Variants in STARD10 observed in about 807,000 individuals in gnomAD.
The protein encoded by STARD10 is START domain-containing protein 10.
Under a neutral mutation model 36.0 loss-of-function variants are expected in STARD10, and 24 were observed. The ratio of observed to expected loss-of-function variants is 0.67; its 90% CI spans 0.48 to 0.94. The LOEUF is 0.94. Ranked by LOEUF, STARD10 falls within the 40% of genes least tolerant of loss-of-function variation. The probability of loss-of-function intolerance (pLI) is 0.00; values close to 1 mark genes in which losing one functional copy is unlikely to be tolerated. For missense variants in STARD10, 335 were observed against 396.6 expected, an observed-to-expected ratio of 0.84 and a Z score of 1.32; for synonymous variants, 156 against 161.9, an observed-to-expected ratio of 0.96 and a Z score of 0.28.
rs770414085 is a variant in STARD10 at position 72,781,196 on chromosome 11, G to A, written c.-15C>T. Reference sequence around the variant, plus strand: ...AGCTTCTCCATGGGGAGTGTGGGGAGGCCCAGGGCCCTGGTCCTAGTCCGG... The same window carrying A: ...AGCTTCTCCATGGGGAGTGTGGGGAAGCCCAGGGCCCTGGTCCTAGTCCGG... On this transcript the variant is annotated 5_prime_UTR_variant, in exon 2 of 7. Transcript: ENST00000334805. This position sits in a 1 kb window ranked among gnomAD's most constrained non-coding sequence, Gnocchi z 4.7. 7 of 1,603,426 alleles carry A rather than the reference G, an allele frequency of 4.4e-6. No homozygotes were observed. The highest frequency in any genetic ancestry group is 4.2e-6 in the Non-Finnish European group (5 of 1,177,882).
At position 72,771,180 on chromosome 11, in the gene STARD10, T is replaced by C. The variant is rs547005374; in HGVS notation, c.207+9795A>G. Among the ~76,000 whole-genome samples, 222 of 152,282 alleles carry C rather than the reference T, an allele frequency of 1.5e-3. 1 individual carries two copies. The highest frequency in any genetic ancestry group is 5.1e-3 in the African/African-American group (212 of 41,536). On this transcript the variant is annotated intron_variant, in intron 2 of 6. Coordinates refer to ENST00000334805, the MANE Select transcript of STARD10 (RefSeq NM_006645.3). ...AAAGTCCATCCCTGAGACTATTCCC[T>C]CAGAACTAGGCTCTGTTCTGTGTAG...
At chr11:72,790,786 C>T (rs760500118) in intron 1 of STARD10, among the ~76,000 whole-genome samples, 1 of 152,222 alleles carries the variant, frequency 6.6e-6, no homozygotes, top group African/African-American at 2.4e-5. Context: ...TGTAAACACT[C>T]GAGACATTTC....
intron 2 of STARD10, among the ~76,000 whole-genome samples, chr11:72,778,864 G>T (rs911267921): frequency 2.0e-5 from 3 of 152,178 alleles, no homozygotes; most frequent in Non-Finnish European, 2.9e-5. Context: ...AGAAAAGGAG[G>T]GTAGGGTCCT....
At chr11:72,761,616 A>T (rs1224287054) in intron 2 of STARD10, among the ~76,000 whole-genome samples, 1 of 152,062 alleles carries the variant, frequency 6.6e-6, no homozygotes, top group Non-Finnish European at 1.5e-5. Flanking sequence ...GTAGTGGCAC[A>T]TAACTGTAAT....
At chr11:72,755,264 G>C in intron 6 of STARD10, 122 bp from the exon 7 acceptor site, 2 of 953,286 alleles carry the variant, frequency 2.1e-6, no homozygotes, top group Non-Finnish European at 3.0e-6. Context: ...TCACTCCTCA[G>C]CCCTACTTGC....
In STARD10 at chr11:72,761,917, C is replaced by CTTTTTT. The variant is rs1189000490; in HGVS notation, c.208-2542_208-2537dup. On this transcript the variant is annotated intron_variant, in intron 2 of 6. Transcript: ENST00000334805. ...TCTGTATTTCTTTTTCTTTTCTTTTCTTTTTTTTTTTTTTTTTTTTTTTTT... is the reference window on the plus strand; with the variant it reads ...TCTGTATTTCTTTTTCTTTTCTTTTCTTTTTTTTTTTTTTTTTTTTTTTTTTTTTTT... Among the ~76,000 whole-genome samples the CTTTTTT allele has an allele frequency of 6.0e-3, 224 of 37,456 alleles. 2 individuals carry two copies. Among genetic ancestry groups the CTTTTTT allele is most frequent in the Non-Finnish European group, 7.7e-3 (161 of 21,002 alleles). 24.6% of individuals were successfully genotyped at this position (37,456 alleles called of 152,430 possible).
intron 3 of STARD10, 48 bp downstream of exon 3, chr11:72,759,186 C>T: frequency 6.2e-7 from 1 of 1,604,282 alleles, no homozygotes; most frequent in Non-Finnish European, 8.5e-7. Flanking sequence ...GGTGGGAGGC[C>T]TGGATGGAGG....
chr11:72,784,260 G>C (rs531866813), intron 1 of STARD10, among the ~76,000 whole-genome samples: 3 of 152,326 alleles, frequency 2.0e-5, no homozygotes, highest in African/African-American at 7.2e-5. Context: ...AGGGGCTCTG[G>C]GAGAGGAGTC....
At chr11:72,787,385 C>T (rs1044965069) in intron 1 of STARD10, among the ~76,000 whole-genome samples, 5 of 152,212 alleles carry the variant, frequency 3.3e-5, no homozygotes, top group Admixed American at 6.5e-5. Flanking sequence ...CAATCCCTAC[C>T]GCCACCACCA....
chr11:72,767,869 G>T (rs565754535), intron 2 of STARD10, among the ~76,000 whole-genome samples: 11 of 152,250 alleles, frequency 7.2e-5, no homozygotes, highest in Admixed American at 7.2e-4. Context: ...TCCTCAGAGT[G>T]GTCCTGTAAG....
rs1859003031 is a variant in STARD10 at position 72,781,812 on chromosome 11, G to C, written c.-113-518C>G. ...GCCCCGCCCCGGGCCCCAGCCCCGC[G>C]CGCCCCTCCCGGCTAGGCTGGGGGC... is the stretch of plus-strand genomic sequence containing the variant. On this transcript the variant is annotated intron_variant, in intron 1 of 6. Coordinates refer to ENST00000334805, the MANE Select transcript of STARD10 (RefSeq NM_006645.3). The surrounding 1 kb of genome is among the most constrained non-coding windows in gnomAD (Gnocchi z 4.7). The C allele has an allele frequency of 7.0e-6, 1 of 143,202 alleles. No individual in the cohort carries two copies. Among genetic ancestry groups the C allele is most frequent in the Non-Finnish European group, 1.5e-5 (1 of 65,232 alleles). 8.9% of individuals were successfully genotyped at this position (143,202 alleles called of 1,614,324 possible).
At chr11:72,771,793 T>C (rs1224582703) in intron 2 of STARD10, among the ~76,000 whole-genome samples, 1 of 151,876 alleles carries the variant, frequency 6.6e-6, no homozygotes, top group East Asian at 1.9e-4. Flanking sequence ...CCTCTCCACT[T>C]CTATCCTGGG....
At chr11:72,759,089 G>A in intron 3 of STARD10, 145 bp downstream of exon 3, 1 of 909,850 alleles carries the variant, frequency 1.1e-6, no homozygotes, top group Non-Finnish European at 1.7e-6. Flanking sequence ...AGTGGACAGG[G>A]AGGGCAGCTC....
At chr11:72,774,965 G>A (rs555644849) in intron 2 of STARD10, among the ~76,000 whole-genome samples, 2 of 152,346 alleles carry the variant, frequency 1.3e-5, no homozygotes, top group South Asian at 2.1e-4. Flanking sequence ...GTTTAAAAGC[G>A]GGAGCCTGGG....
At chr11:72,759,728 T>TC (rs1447685432) in intron 2 of STARD10, among the ~76,000 whole-genome samples, 2 of 152,184 alleles carry the variant, frequency 1.3e-5, no homozygotes, top group Non-Finnish European at 2.9e-5. Flanking sequence ...GGGCAGAGGC[T>TC]CATGGTTGCT....
At chr11:72,755,868 A>G in intron 5 of STARD10, 115 bp from the exon 6 acceptor site, 1 of 972,764 alleles carries the variant, frequency 1.0e-6, no homozygotes, top group Non-Finnish European at 1.5e-6. Context: ...CCCCATGAGG[A>G]GGAGGTGTGT....
chr11:72,785,164 C>T (rs1324115371), intron 1 of STARD10, among the ~76,000 whole-genome samples: 2 of 152,146 alleles, frequency 1.3e-5, no homozygotes, highest in Admixed American at 6.5e-5. Flanking sequence ...CTCCCCTCAA[C>T]TCCCCACAGC....
At chr11:72,756,854 C>T (rs1858651442) in intron 5 of STARD10, among the ~76,000 whole-genome samples, 2 of 151,982 alleles carry the variant, frequency 1.3e-5, no homozygotes, top group Admixed American at 1.3e-4. Flanking sequence ...CAATAAGAAT[C>T]AGTGACGGGG....
At chr11:72,767,767 CCTCTGCCCTGCCATGT>C (rs1858811171) in intron 2 of STARD10, among the ~76,000 whole-genome samples, 1 of 152,220 alleles carries the variant, frequency 6.6e-6, no homozygotes, top group South Asian at 2.1e-4. Flanking sequence ...GTCAGACAGA[CCTCTGCCCTGCCATGT>C]CCCAGCTGTG....
Sources: allele counts gnomAD v4.1 joint callset (sites outside exome capture counted in the v4.1 genomes callset), GRCh38; gene constraint gnomAD v4.1.1; non-coding constraint Gnocchi (gnomAD v3.1); transcripts MANE v1.5; gene names NCBI Gene and HGNC (gene_info 2026-07-23, HGNC 2026-07-21).